The following RYR2 variants were observed in gnomAD, a reference collection of about 807,000 sequenced individuals.
The protein encoded by RYR2 is ryanodine receptor 2, also known as cardiac muscle ryanodine receptor-calcium release channel.
In RYR2, 227 loss-of-function variants were observed where a neutral mutation model predicts 601.1. That is an observed-to-expected ratio of 0.38 (90% CI 0.34 to 0.42). The LOEUF (loss-of-function observed/expected upper bound fraction) is 0.42, where lower values mean the gene tolerates loss of function less well. Among genes scored for constraint, RYR2 ranks in the 10% least tolerant of loss-of-function variants. The pLI is 1.00. For synonymous variants in RYR2, 2,223 were observed against 2,175.1 expected (o/e 1.02, Z -0.61); for missense variants, 4,646 against 6,156.5 (o/e 0.75, Z 8.21).
chr1:237,169,205 C>CT (rs1419367024), intron 1 of RYR2, among the ~76,000 whole-genome samples: 5 of 152,100 alleles, frequency 3.3e-5, no homozygotes, highest in African/African-American at 1.2e-4. Context: ...TAATCAGACT[C>CT]TAATTTACTT....
intron 1 of RYR2, among the ~76,000 whole-genome samples, chr1:237,172,077 C>T (rs1677468429): frequency 1.3e-5 from 2 of 152,168 alleles, no homozygotes; most frequent in African/African-American, 4.8e-5. Flanking sequence ...AATCAGAGCC[C>T]CTGGCTTAAA....
chr1:237,201,779 G>A (rs1159382434), intron 1 of RYR2, among the ~76,000 whole-genome samples: 2 of 152,284 alleles, frequency 1.3e-5, no homozygotes, highest in Non-Finnish European at 2.9e-5. Context: ...TTGGACTCTT[G>A]TCGGGAAGGC....
chr1:237,120,141 A>G (rs940303134), intron 1 of RYR2, among the ~76,000 whole-genome samples: 2 of 152,048 alleles, frequency 1.3e-5, no homozygotes, highest in Non-Finnish European at 2.9e-5. Flanking sequence ...CCTCAGTTTC[A>G]TTATCTATAA....
chr1:237,342,859 T>C (rs1412244466), intron 3 of RYR2, among the ~76,000 whole-genome samples: 1 of 151,896 alleles, frequency 6.6e-6, no homozygotes, highest in Non-Finnish European at 1.5e-5. Flanking sequence ...CCCTGGAAAA[T>C]GTGAGCCATA....
chr1:237,455,865 G>A (rs181438102), intron 15 of RYR2, among the ~76,000 whole-genome samples: 2 of 152,280 alleles, frequency 1.3e-5, no homozygotes, highest in African/African-American at 4.8e-5. Context: ...TTACAATGCT[G>A]CATTTATTTA....
intron 35 of RYR2, among the ~76,000 whole-genome samples, chr1:237,608,412 TG>T (rs1677393401): frequency 6.6e-6 from 1 of 151,862 alleles, no homozygotes; most frequent in South Asian, 2.1e-4. Flanking sequence ...AGCAAAACAA[TG>T]GGAGAGGGGC....
At chr1:237,306,436 T>A (rs1693866621) in intron 2 of RYR2, among the ~76,000 whole-genome samples, 1 of 152,216 alleles carries the variant, frequency 6.6e-6, no homozygotes, top group Non-Finnish European at 1.5e-5. Flanking sequence ...ATTCTATCAT[T>A]TAATCTATTT....
intron 1 of RYR2, among the ~76,000 whole-genome samples, chr1:237,146,826 T>C (rs1324501794): frequency 6.6e-6 from 1 of 152,202 alleles, no homozygotes; most frequent in Admixed American, 6.5e-5. Flanking sequence ...TCCCATTTAA[T>C]CTTTTTAAAA....
chr1:237,792,962 A>T (rs1658644522), intron 94 of RYR2, among the ~76,000 whole-genome samples: 1 of 152,190 alleles, frequency 6.6e-6, no homozygotes, highest in South Asian at 2.1e-4. Context: ...ATGCAGCTTT[A>T]TCCCCAGAGG....
At chr1:237,791,653 A>G in intron 93 of RYR2, 138 bp downstream of exon 93, 1 of 608,096 alleles carries the variant, frequency 1.6e-6, no homozygotes, top group Non-Finnish European at 2.9e-6. Flanking sequence ...CTAGGCACTG[A>G]TATCACTGTT....
Position 237,670,147 on chromosome 1 carries a change from G to A in RYR2, c.8590+2189G>A, listed in dbSNP as rs533590042. 7.2e-5 allele frequency among the ~76,000 whole-genome samples: 11 copies of A among 151,972 alleles called. No individual in the cohort carries two copies. The East Asian group carries it at 2.1e-3, about 30-fold the overall frequency. On this transcript the variant is annotated intron_variant, in intron 58 of 104. Coordinates refer to ENST00000366574, the MANE Select transcript of RYR2 (RefSeq NM_001035.3). ...ACCAAAAAAATACGAAAACCAGTCA[G>A]GCGTGGCGGCGCGCGCCTGCAATCG...
intron 10 of RYR2, among the ~76,000 whole-genome samples, chr1:237,389,845 T>C (rs1399658337): frequency 6.6e-6 from 1 of 152,130 alleles, no homozygotes; most frequent in Non-Finnish European, 1.5e-5. Context: ...GTGCAAATTC[T>C]AAGTGTAAGG....
chr1:237,185,163 G>A (rs1040046001), intron 1 of RYR2, among the ~76,000 whole-genome samples: 10 of 151,648 alleles, frequency 6.6e-5, no homozygotes, highest in African/African-American at 2.4e-4. Flanking sequence ...ACCACGCCTG[G>A]CTAATTTTTT....
intron 1 of RYR2, among the ~76,000 whole-genome samples, chr1:237,167,494 T>G (rs1676839611): frequency 6.6e-6 from 1 of 152,148 alleles, no homozygotes; most frequent in African/African-American, 2.4e-5. Context: ...GCAATAACTT[T>G]TAGACTCGGT....
intron 38 of RYR2, among the ~76,000 whole-genome samples, chr1:237,620,008 C>A (rs1000909492): frequency 3.3e-5 from 5 of 152,046 alleles, no homozygotes; most frequent in African/African-American, 9.7e-5. Flanking sequence ...TTGGAAAATT[C>A]AGAAAGGAAG....
rs181391024 is a variant in RYR2, at chr1:237,176,081, A to G, written c.49-94416A>G. Among the ~76,000 whole-genome samples the G allele has an allele frequency of 1.7e-3, 265 of 151,700 alleles. 1 individual carries two copies. Among genetic ancestry groups the G allele is most frequent in the Middle Eastern group, 3.4e-3 (1 of 294 alleles). ...ACCTTATCTCTGCAAAAAAATCATT[A>G]GCCAGGCACGGTGGTGTGTACCTGT... On this transcript the variant is annotated intron_variant, in intron 1 of 104. Coordinates refer to ENST00000366574, the MANE Select transcript of RYR2 (RefSeq NM_001035.3).
At chr1:237,326,534 A>G (rs1181928811) in intron 2 of RYR2, among the ~76,000 whole-genome samples, 4 of 152,222 alleles carry the variant, frequency 2.6e-5, no homozygotes, top group Non-Finnish European at 5.9e-5. Flanking sequence ...GCGGGTAGGT[A>G]AACATGCTCA....
At chr1:237,235,501 G>C (rs186353737) in intron 1 of RYR2, among the ~76,000 whole-genome samples, 113 of 152,290 alleles carry the variant, frequency 7.4e-4, no homozygotes, top group Non-Finnish European at 1.2e-3. Context: ...CCAGATATTA[G>C]CCTCAGTTAA....
intron 74 of RYR2, among the ~76,000 whole-genome samples, chr1:237,724,675 TAA>T (rs1690053679): frequency 1.3e-5 from 2 of 152,036 alleles, no homozygotes; most frequent in Admixed American, 1.3e-4. Flanking sequence ...CATGAAATTT[TAA>T]GTGATTTATA....
Sources: gnomAD v4.1 joint callset for allele counts (sites outside exome capture counted in the v4.1 genomes callset) on GRCh38, gnomAD v4.1.1 for gene constraint, MANE v1.5 for transcripts, NCBI Gene and HGNC (gene_info 2026-07-23, HGNC 2026-07-21) for gene names.